Variants in DAB1 observed in about 807,000 individuals in gnomAD.
DAB1 encodes the protein DAB adaptor protein 1, also known as disabled homolog 1.
Under a neutral mutation model 64.6 loss-of-function variants are expected in DAB1, and 15 were observed. The observed-to-expected ratio is 0.23, with a 90% CI of 0.16 to 0.36. The LOEUF is 0.36. Ranked by LOEUF, DAB1 falls within the 10% of genes least tolerant of loss-of-function variation. The probability of loss-of-function intolerance (pLI) is 1.00; values close to 1 mark genes in which losing one functional copy is unlikely to be tolerated. For missense variants in DAB1, 596 were observed against 706.7 expected, an observed-to-expected ratio of 0.84 and a Z score of 1.78; for synonymous variants, 235 against 251.9, an observed-to-expected ratio of 0.93 and a Z score of 0.64.
intron 1 of DAB1, among the ~76,000 whole-genome samples, chr1:57,415,280 CAT>C (rs57020595): frequency 0.07 from 10,189 of 145,290 alleles, 381 homozygotes; most frequent in Middle Eastern, 0.11. Flanking sequence ...CACACACACA[CAT>C]ATATGCACAC....
chr1:58,124,014 C>T (rs1292765840), intron 5 of DAB1, among the ~76,000 whole-genome samples: 1 of 151,978 alleles, frequency 6.6e-6, no homozygotes, highest in Non-Finnish European at 1.5e-5. Context: ...GAAGTGTAAA[C>T]ATCTAGGTTT....
intron 4 of DAB1, among the ~76,000 whole-genome samples, chr1:58,261,230 G>A (rs1170666829): frequency 6.6e-6 from 1 of 151,968 alleles, no homozygotes; most frequent in Non-Finnish European, 1.5e-5. Context: ...ATTTTTCCCT[G>A]CCTAGGTTTT....
At chr1:58,056,879 G>T (rs1434128965) in intron 5 of DAB1, among the ~76,000 whole-genome samples, 1 of 151,918 alleles carries the variant, frequency 6.6e-6, no homozygotes, top group Non-Finnish European at 1.5e-5. Context: ...GGACTTCCTA[G>T]TCTTGGTTCC....
intron 1 of DAB1, among the ~76,000 whole-genome samples, chr1:57,328,146 T>C (rs1676335991): frequency 6.6e-6 from 1 of 152,180 alleles, no homozygotes; most frequent in South Asian, 2.1e-4. Flanking sequence ...GCTAGTAGCA[T>C]AAAGCAAATC....
intron 5 of DAB1, among the ~76,000 whole-genome samples, chr1:57,950,747 CCTCTT>C (rs1645260740): frequency 6.6e-6 from 1 of 152,262 alleles, no homozygotes; most frequent in African/African-American, 2.4e-5. Flanking sequence ...CATTATGTCT[CCTCTT>C]CAATTCAGAA....
chr1:58,166,753 T>G (rs1483756507), intron 4 of DAB1, among the ~76,000 whole-genome samples: 2 of 150,590 alleles, frequency 1.3e-5, no homozygotes, highest in Non-Finnish European at 3.0e-5. Context: ...TTTGTTCGTT[T>G]TTTTTTTTTT....
chr1:58,147,143 C>T (rs992241800), intron 5 of DAB1, among the ~76,000 whole-genome samples: 5 of 151,648 alleles, frequency 3.3e-5, no homozygotes, highest in East Asian at 1.9e-4. Flanking sequence ...CCCGTCTCTA[C>T]TAAAAATACA....
At chr1:57,141,580 G>A (rs535655185) in intron 3 of DAB1, among the ~76,000 whole-genome samples, 13 of 152,202 alleles carry the variant, frequency 8.5e-5, no homozygotes, top group Non-Finnish European at 1.5e-4. Flanking sequence ...CCACCCATTG[G>A]AAGTAACTCC....
At chr1:57,213,424 A>C (rs964490945) in intron 2 of DAB1, among the ~76,000 whole-genome samples, 2 of 152,158 alleles carry the variant, frequency 1.3e-5, no homozygotes, top group South Asian at 4.1e-4. Flanking sequence ...CAAAATAGAT[A>C]GTGTAGATCT....
intron 3 of DAB1, among the ~76,000 whole-genome samples, chr1:58,494,374 T>C (rs1381830666): frequency 6.6e-6 from 1 of 152,028 alleles, no homozygotes; most frequent in Non-Finnish European, 1.5e-5. Context: ...ACTTCATGTC[T>C]AAAACACCAA....
At chr1:57,864,477 G>T (rs1391718222) in intron 1 of DAB1, 3 of 151,960 alleles carry the variant, frequency 2.0e-5, no homozygotes, top group African/African-American at 7.2e-5. Flanking sequence ...CAAATAATTA[G>T]CTGAGGAAGA....
chr1:58,163,774 C>G, intron 4 of DAB1, among the ~76,000 whole-genome samples: 1 of 152,178 alleles, frequency 6.6e-6, no homozygotes, highest in East Asian at 1.9e-4. Flanking sequence ...GTCAATAACT[C>G]CACTGGTCTG....
chr1:57,588,116 A>G (rs1645401793), intron 7 of DAB1, among the ~76,000 whole-genome samples: 1 of 152,230 alleles, frequency 6.6e-6, no homozygotes. Context: ...CTTATGGGGA[A>G]AGAAGGAAGA....
chr1:57,084,937 T>C (rs532846959), intron 4 of DAB1, among the ~76,000 whole-genome samples: 1 of 152,174 alleles, frequency 6.6e-6, no homozygotes, highest in Non-Finnish European at 1.5e-5. Context: ...ATTGGCCCCA[T>C]GATTTGTTAG....
At chr1:58,111,924 C>G (rs1271217373) in intron 5 of DAB1, among the ~76,000 whole-genome samples, 2 of 152,196 alleles carry the variant, frequency 1.3e-5, no homozygotes, top group African/African-American at 4.8e-5. Context: ...CAGTAATGAT[C>G]TACTGCACTT....
At chr1:57,924,027 A>G (rs1380220068) in intron 5 of DAB1, among the ~76,000 whole-genome samples, 1 of 152,248 alleles carries the variant, frequency 6.6e-6, no homozygotes, top group Non-Finnish European at 1.5e-5. Context: ...TACAGGTTCA[A>G]AAGGTGTTAG....
At chr1:57,727,284 C>G (rs1647228287) in intron 6 of DAB1, among the ~76,000 whole-genome samples, 1 of 152,234 alleles carries the variant, frequency 6.6e-6, no homozygotes, top group South Asian at 2.1e-4. Flanking sequence ...GCAGGCCTAA[C>G]TGCTCCACTG....
At chr1:58,370,644 T>C (rs1212399494) in intron 3 of DAB1, among the ~76,000 whole-genome samples, 2 of 152,224 alleles carry the variant, frequency 1.3e-5, no homozygotes, top group Non-Finnish European at 2.9e-5. Context: ...CCAAATCTCA[T>C]GTCAAATTGT....
intron 5 of DAB1, among the ~76,000 whole-genome samples, chr1:58,016,669 G>A (rs1952046): frequency 0.43 from 64,906 of 151,884 alleles, 14,196 homozygotes; most frequent in East Asian, 0.64. Context: ...AGCCCTGAAC[G>A]ACCTTAATTG....
Sources: allele counts gnomAD v4.1 joint callset (sites outside exome capture counted in the v4.1 genomes callset), GRCh38; gene constraint gnomAD v4.1.1; transcripts MANE v1.5; gene names NCBI Gene and HGNC (gene_info 2026-07-23, HGNC 2026-07-21).